KIF14: variants seen among roughly 807,000 people sequenced by gnomAD.
KIF14 encodes kinesin family member 14, also known as kinesin-like protein KIF14.
A neutral mutation model predicts 176.2 loss-of-function variants in KIF14; 98 were observed. The ratio of observed to expected loss-of-function variants is 0.56; its 90% CI spans 0.47 to 0.66. KIF14 has a LOEUF of 0.66. Ranked by LOEUF, KIF14 falls within the 30% of genes least tolerant of loss-of-function variation. KIF14 has a pLI of 0.00. For missense variants in KIF14, 1,751 were observed against 1,920.4 expected, an observed-to-expected ratio of 0.91 and a Z score of 1.65; for synonymous variants, 566 against 632.2, an observed-to-expected ratio of 0.90 and a Z score of 1.57.
chr1:200,579,438 CT>C (rs1037221205), intron 21 of KIF14, among the ~76,000 whole-genome samples: 5 of 152,220 alleles, frequency 3.3e-5, no homozygotes, highest in Non-Finnish European at 5.9e-5. Flanking sequence ...GAAAACTCGT[CT>C]TTTTTAAAAA....
intron 18 of KIF14, among the ~76,000 whole-genome samples, chr1:200,588,249 T>TTG (rs1553257805): frequency 4.9e-5 from 3 of 61,742 alleles, no homozygotes; most frequent in Non-Finnish European, 5.2e-5. Flanking sequence ...GTTTGTTTTG[T>TTG]TTTTTTTTTT....
At chr1:200,591,925 T>C (rs1659074152) in intron 16 of KIF14, among the ~76,000 whole-genome samples, 155 bp downstream of exon 16, 1 of 152,182 alleles carries the variant, frequency 6.6e-6, no homozygotes, top group Admixed American at 6.5e-5. Flanking sequence ...ATGGTCAATA[T>C]ATATTTGGTG....
intron 4 of KIF14, among the ~76,000 whole-genome samples, chr1:200,612,881 C>CTTTTTTTTTTTTTTTT (rs58120760): frequency 2.5e-5 from 2 of 79,100 alleles, no homozygotes; most frequent in Admixed American, 1.7e-4. Context: ...AGTTTATTCT[C>CTTTTTTTTTTTTTTTT]TTTTTTTTTT....
intron 22 of KIF14, among the ~76,000 whole-genome samples, chr1:200,571,242 GA>G (rs1487246464): frequency 6.6e-6 from 1 of 151,320 alleles, no homozygotes; most frequent in Non-Finnish European, 1.5e-5. Context: ...GTAAACCTGG[GA>G]GGGGGAGCTT....
At chr1:200,559,550 T>G (rs1344420920) in intron 26 of KIF14, 98 bp from the exon 27 acceptor site, 3 of 637,336 alleles carry the variant, frequency 4.7e-6, no homozygotes, top group Non-Finnish European at 4.7e-6. Context: ...ATCAAGTAAT[T>G]AAGTTATATT....
chr1:200,592,024 ACT>A (rs1659078713), intron 16 of KIF14, 54 bp downstream of exon 16: 6 of 1,412,336 alleles, frequency 4.2e-6, no homozygotes, highest in Admixed American at 2.0e-5. Context: ...AATGTGATTA[ACT>A]CTGTTGTAGA....
rs141620031 is a variant in KIF14 at position 200,615,878 on chromosome 1, T to C, written c.1113-269A>G. ...TTACAAGATTTTTTCCTCTTTTTTT[T>C]TTCTCTTGAACTATACCTTTTCCCA... On this transcript the variant is annotated intron_variant, in intron 2 of 29. Coordinates refer to ENST00000367350, the MANE Select transcript of KIF14 (RefSeq NM_014875.3). Among the ~76,000 whole-genome samples, 499 of 152,286 alleles carry C rather than the reference T, an allele frequency of 3.3e-3. 1 individual carries two copies. The highest frequency in any genetic ancestry group is 5.6e-3 in the Non-Finnish European group (379 of 68,006).
At position 200,560,917 on chromosome 1, in the gene KIF14, G is replaced by A. The variant is rs777303869; in HGVS notation, c.4072-37C>T. The A allele has an allele frequency of 2.5e-6, 4 of 1,582,646 alleles. No individual in the cohort carries two copies. In the South Asian group the frequency reaches 4.4e-5, roughly 18 times the overall value. ...AAATGGACAAGTGTATCAGATACAT[G>A]AGATTATAACAGGTGGTAAAGAAAA... On this transcript the variant is annotated intron_variant, in intron 25 of 29. Coordinates refer to ENST00000367350, the MANE Select transcript of KIF14 (RefSeq NM_014875.3).
chr1:200,614,292 AG>A (rs1189726384), intron 4 of KIF14, 25 bp downstream of exon 4: 2 of 1,251,526 alleles, frequency 1.6e-6, no homozygotes, highest in South Asian at 2.5e-5. Context: ...TCTGAAAAGA[AG>A]CTTGCAGGTA....
intron 8 of KIF14, 83 bp from the exon 9 acceptor site, chr1:200,604,038 A>AGTGATGTGTAATCTT: frequency 2.5e-6 from 2 of 798,440 alleles, no homozygotes; most frequent in South Asian, 1.4e-5. Context: ...GCTGTAAAAG[A>AGTGATGTGTAATCTT]TTACACATCA....
Position 200,559,420 on chromosome 1 carries a change from T to C in KIF14, c.4263A>G (p.Val1421=), listed in dbSNP as rs375378195. ...CTAATAAAATCTTCATTCCTAAGCCTACACCATCACAAACAGCATCCATGA... is the reference window on the plus strand; with the variant it reads ...CTAATAAAATCTTCATTCCTAAGCCCACACCATCACAAACAGCATCCATGA... The part of the protein sequence containing the change: ...EEFMDAVCDG[V]GLGMKILLDS... The change falls in exon 27 of 30, where the codon GTA becomes GTG. Residue 1421 remains valine, a synonymous_variant. Transcript: ENST00000367350. 1.7e-4 allele frequency: 265 copies of C among 1,567,080 alleles called. No homozygotes were observed. Among genetic ancestry groups the C allele is most frequent in the Non-Finnish European group, 2.2e-4 (249 of 1,157,062 alleles).
At position 200,605,357 on chromosome 1, in the gene KIF14, T is replaced by C. The variant is rs368478161; in HGVS notation, c.1672A>G (p.Thr558Ala). 81 of 1,613,664 alleles carry C rather than the reference T, an allele frequency of 5.0e-5. No individual in the cohort carries two copies. The East Asian group carries it at 6.0e-4, about 12-fold the overall frequency. ...WLELGNKQRA[T>A]AATGMNDKSS... is the part of the protein sequence containing the mutation. Reference sequence around the variant, plus strand: ...TTATCATTCATACCAGTAGCAGCAGTAGCTCTTTGTTTATTTCCCAATTCT... The same window carrying C: ...TTATCATTCATACCAGTAGCAGCAGCAGCTCTTTGTTTATTTCCCAATTCT... The change falls in exon 8 of 30, where the codon ACT (threonine) becomes GCT (alanine). Residue 558 changes from threonine (T) to alanine (A), a missense_variant. By Grantham distance (58) the Thr-to-Ala change is moderately conservative. Coordinates refer to ENST00000367350, the MANE Select transcript of KIF14 (RefSeq NM_014875.3).
At position 200,554,498 on chromosome 1, in the gene KIF14, C is replaced by G; in HGVS notation, c.4537G>C (p.Ala1513Pro). Reference protein sequence around the residue: ...FLKLKHCLEKAIEIIISALKG... With the variant: ...FLKLKHCLEKPIEIIISALKG... The stretch of plus-strand genomic sequence containing the variant: ...AGTGCAGAAATAATAATTTCAATAG[C>G]TTTCTCTAAGCAATGTTTTAACTTT... Residue 1513 changes from alanine to proline, a missense_variant, in exon 29 of 30, where the codon GCT becomes CCT. By Grantham distance (27) the Ala-to-Pro change is conservative. Coordinates refer to ENST00000367350, the MANE Select transcript of KIF14 (RefSeq NM_014875.3). 2 of 1,537,732 alleles carry G rather than the reference C, an allele frequency of 1.3e-6. No homozygotes were observed. The highest frequency in any genetic ancestry group is 1.7e-5 in the Admixed American group (1 of 58,492).
chr1:200,598,927 TC>T (rs1659496710), intron 13 of KIF14, among the ~76,000 whole-genome samples: 1 of 152,178 alleles, frequency 6.6e-6, no homozygotes. Context: ...ACCTTCTTTG[TC>T]CTTCACCATC....
chr1:200,568,280 C>G (rs555105962), intron 23 of KIF14, among the ~76,000 whole-genome samples: 1 of 152,272 alleles, frequency 6.6e-6, no homozygotes, highest in South Asian at 2.1e-4. Context: ...TGTAAAATAT[C>G]TTACTCAGAT....
chr1:200,596,185 T>C (rs1460191781), intron 14 of KIF14, among the ~76,000 whole-genome samples: 15 of 151,946 alleles, frequency 9.9e-5, no homozygotes, highest in Admixed American at 9.8e-4. Context: ...CTCCAGGAGG[T>C]TGCAGTGAGC....
rs1365846461 is a variant in KIF14, at chr1:200,618,383, G to A, written c.341C>T (p.Thr114Ile). 16 of 1,614,126 alleles carry A rather than the reference G, an allele frequency of 9.9e-6. No individual in the cohort carries two copies. In the East Asian group the frequency reaches 3.6e-4, roughly 36 times the overall value. The part of the protein sequence containing the change: ...VSELEDTTEK[T>I]AETRLTLQRR... Reference sequence around the variant, plus strand: ...TTGTAATGTAAGACGTGTTTCTGCTGTTTTTTCAGTTGTGTCTTCCAACTC... The same window carrying A: ...TTGTAATGTAAGACGTGTTTCTGCTATTTTTTCAGTTGTGTCTTCCAACTC... The change falls in exon 2 of 30, where the codon ACA becomes ATA. Residue 114 changes from threonine to isoleucine, a missense_variant. Transcript: ENST00000367350.
In KIF14 at chr1:200,555,436, T is replaced by G; in HGVS notation, c.4372A>C (p.Thr1458Pro). Residue 1458 changes from threonine (T) to proline (P), a missense_variant, in exon 28 of 30, where the codon ACT becomes CCT. Physicochemically the swap from Thr to Pro is conservative, Grantham distance 38 (BLOSUM62 -1). Transcript: ENST00000367350. ...GATCTAATCAATCCCATGGCATTAG[T>G]TTTCATTTCTTTGGTAACCTATAGA... ...TKNEVTKEMK[T>P]NAMGLIRSLE... 6.4e-7 allele frequency: 1 copy of G among 1,565,932 alleles called. No individual in the cohort carries two copies. The highest frequency in any genetic ancestry group is 1.2e-5 in the South Asian group (1 of 84,686).
At chr1:200,572,540 T>C (rs1388465061) in intron 22 of KIF14, among the ~76,000 whole-genome samples, 3 of 152,136 alleles carry the variant, frequency 2.0e-5, no homozygotes, top group Admixed American at 6.5e-5. Context: ...AGACGGGGTT[T>C]CACCGTGTTA....
Sources: gnomAD v4.1 joint callset for allele counts (sites outside exome capture counted in the v4.1 genomes callset) on GRCh38, gnomAD v4.1.1 for gene constraint, MANE v1.5 for transcripts, NCBI Gene and HGNC (gene_info 2026-07-23, HGNC 2026-07-21) for gene names.